Variants in GALNT10 observed in about 807,000 individuals in gnomAD.
GALNT10 encodes the protein GalNAc transferase 10.
GALNT10 carries 41 observed loss-of-function variants against 75.0 expected under a neutral mutation model. The ratio of observed to expected loss-of-function variants is 0.55; its 90% CI spans 0.43 to 0.71. GALNT10 has a LOEUF of 0.71. GALNT10 is among the 30% of genes least tolerant of loss of function. The pLI, the probability that GALNT10 is intolerant of heterozygous loss-of-function variation, is 0.00. For missense variants in GALNT10, 727 were observed against 818.5 expected, an observed-to-expected ratio of 0.89 and a Z score of 1.36; for synonymous variants, 302 against 313.0, an observed-to-expected ratio of 0.96 and a Z score of 0.37.
At position 154,246,123 on chromosome 5, in the gene GALNT10, A is replaced by G. The variant is rs189259307; in HGVS notation, c.160-48693A>G. On this transcript the variant is annotated intron_variant, in intron 1 of 11. Coordinates refer to ENST00000297107, the MANE Select transcript of GALNT10 (RefSeq NM_198321.4). The stretch of plus-strand genomic sequence containing the variant: ...GGTTTCCAGTTTCATCCGTGTCCCT[A>G]CAAAGGACATGAATTCATCATTTTT... Among the ~76,000 whole-genome samples the G allele has an allele frequency of 6.8e-4, 99 of 144,592 alleles. No homozygotes were observed. The East Asian group carries it at 0.019, about 28-fold the overall frequency. The allele number at this position is 144,592 out of a possible 152,430, so 94.9% of individuals were successfully genotyped here.
At chr5:154,285,699 C>T (rs1754101052) in intron 1 of GALNT10, among the ~76,000 whole-genome samples, 2 of 152,156 alleles carry the variant, frequency 1.3e-5, no homozygotes, top group South Asian at 4.1e-4. Flanking sequence ...TCCCAGCCTC[C>T]ACCCCTCCTC....
chr5:154,368,161 A>G (rs753098184), intron 4 of GALNT10, among the ~76,000 whole-genome samples: 7 of 152,230 alleles, frequency 4.6e-5, no homozygotes, highest in Non-Finnish European at 8.8e-5. Flanking sequence ...GGACATTTCT[A>G]CTAAATTCCC....
At chr5:154,354,872 C>T (rs968627691) in intron 4 of GALNT10, among the ~76,000 whole-genome samples, 8 of 152,132 alleles carry the variant, frequency 5.3e-5, no homozygotes, top group East Asian at 3.8e-4. Context: ...TGGGTATATC[C>T]GTGTGATCCT....
intron 1 of GALNT10, among the ~76,000 whole-genome samples, chr5:154,196,345 G>C (rs1384291910): frequency 6.6e-6 from 1 of 152,228 alleles, no homozygotes; most frequent in Non-Finnish European, 1.5e-5. Context: ...GACAGACAGA[G>C]AGAACTTGAG....
intron 4 of GALNT10, among the ~76,000 whole-genome samples, chr5:154,332,212 A>C (rs1754877395): frequency 6.6e-6 from 1 of 152,156 alleles, no homozygotes; most frequent in South Asian, 2.1e-4. Flanking sequence ...CTGCAGCATA[A>C]ACAGCCTCCA....
intron 5 of GALNT10, among the ~76,000 whole-genome samples, chr5:154,379,045 C>T (rs1001659951): frequency 6.6e-6 from 1 of 151,976 alleles, no homozygotes; most frequent in East Asian, 1.9e-4. Flanking sequence ...GGGGCGGGCA[C>T]GTGAGTTTTT....
At chr5:154,264,841 T>C (rs557193895) in intron 1 of GALNT10, among the ~76,000 whole-genome samples, 34 of 152,162 alleles carry the variant, frequency 2.2e-4, no homozygotes, top group Non-Finnish European at 1.5e-4. Context: ...GACCCCCACT[T>C]AGCAGTTCTC....
In GALNT10 at chr5:154,212,900, G is replaced by A. The variant is rs568841164; in HGVS notation, c.159+21875G>A. Among the ~76,000 whole-genome samples, 19 of 151,768 alleles carry A rather than the reference G, an allele frequency of 1.3e-4. 1 individual carries two copies. The South Asian group carries it at 3.3e-3, about 27-fold the overall frequency. ...GGGGAATGGCGTGAACCCGGGAGGC[G>A]GAGCTTGCAGTGAGCGGAGATCGCG... On this transcript the variant is annotated intron_variant, in intron 1 of 11. Coordinates refer to ENST00000297107, the MANE Select transcript of GALNT10 (RefSeq NM_198321.4).
intron 4 of GALNT10, chr5:154,337,591 T>A: frequency 2.5e-6 from 2 of 813,318 alleles, no homozygotes; most frequent in Non-Finnish European, 4.3e-6. Context: ...CCTCTAAAGT[T>A]TCCTCCCTTC....
intron 4 of GALNT10, among the ~76,000 whole-genome samples, chr5:154,330,243 G>T (rs1410628216): frequency 6.6e-6 from 1 of 152,218 alleles, no homozygotes; most frequent in African/African-American, 2.4e-5. Flanking sequence ...TCAAGGTTTT[G>T]CCTTCTAATT....
chr5:154,403,834 C>A (rs1582015054), intron 7 of GALNT10: 2 of 474,690 alleles, frequency 4.2e-6, no homozygotes. Context: ...TTACTACCTA[C>A]TTTATAGGTT....
rs118005793 is a variant in GALNT10 at position 154,412,722 on chromosome 5, T to C, written c.1387-167T>C. The C allele has an allele frequency of 5.5e-4, 361 of 651,596 alleles. 3 individuals are homozygous for C. In the East Asian group the frequency reaches 9.1e-3, roughly 16 times the overall value. The allele number at this position is 651,596 out of a possible 1,614,324, so 40.4% of individuals were successfully genotyped here. A position where few individuals can be genotyped will look rare whatever the true frequency, so the allele number is the denominator to read the frequency against. On this transcript the variant is annotated intron_variant, in intron 9 of 11. Transcript: ENST00000297107. This position sits in a 1 kb window ranked among gnomAD's most constrained non-coding sequence, Gnocchi z 4.2. ...ATTCTGTGGACTGAGTCTTCCTTCA[T>C]TGAGAGGCTCAAGGTACTTCCAACA... is the stretch of plus-strand genomic sequence containing the variant.
intron 1 of GALNT10, among the ~76,000 whole-genome samples, chr5:154,232,115 A>G (rs1035741609): frequency 6.6e-6 from 1 of 152,252 alleles, no homozygotes; most frequent in Non-Finnish European, 1.5e-5. Flanking sequence ...GAAAGATATT[A>G]TAAGCAGATT....
At chr5:154,351,617 G>T (rs1022548631) in intron 4 of GALNT10, among the ~76,000 whole-genome samples, 4 of 152,208 alleles carry the variant, frequency 2.6e-5, no homozygotes, top group African/African-American at 9.7e-5. Flanking sequence ...TTTGGTTTGA[G>T]TGGCTTCCGC....
intron 1 of GALNT10, among the ~76,000 whole-genome samples, chr5:154,274,773 G>T (rs895743129): frequency 6.6e-6 from 1 of 152,102 alleles, no homozygotes; most frequent in East Asian, 1.9e-4. Context: ...TCAAGAAATA[G>T]CCCCTAGAAA....
At position 154,267,381 on chromosome 5, in the gene GALNT10, A is replaced by G. The variant is rs571650350; in HGVS notation, c.160-27435A>G. ...TAGGTGACCCAGACATGCCTCTTGA[A>G]TTGAATTCGGTGATCTGCTTCTTCA... On this transcript the variant is annotated intron_variant, in intron 1 of 11. Coordinates refer to ENST00000297107, the MANE Select transcript of GALNT10 (RefSeq NM_198321.4). 2.0e-5 allele frequency among the ~76,000 whole-genome samples: 3 copies of G among 152,304 alleles called. No homozygotes were observed. The East Asian group carries it at 5.8e-4, about 29-fold the overall frequency.
chr5:154,240,848 C>T (rs188097686), intron 1 of GALNT10, among the ~76,000 whole-genome samples: 6 of 152,314 alleles, frequency 3.9e-5, no homozygotes, highest in East Asian at 1.9e-4. Context: ...CCCTCTCAGA[C>T]GCTTCCTGGC....
chr5:154,231,060 C>T (rs1277556755), intron 1 of GALNT10, among the ~76,000 whole-genome samples: 1 of 152,230 alleles, frequency 6.6e-6, no homozygotes, highest in Non-Finnish European at 1.5e-5. Flanking sequence ...CTTCCTAGGC[C>T]TCCTTGTCCT....
intron 1 of GALNT10, among the ~76,000 whole-genome samples, chr5:154,281,813 C>G (rs1754041925): frequency 6.6e-6 from 1 of 152,216 alleles, no homozygotes; most frequent in African/African-American, 2.4e-5. Flanking sequence ...TCCTCAAGAA[C>G]CTGTACTCCC....
Sources: allele counts gnomAD v4.1 joint callset (sites outside exome capture counted in the v4.1 genomes callset), GRCh38; gene constraint gnomAD v4.1.1; non-coding constraint Gnocchi (gnomAD v3.1); transcripts MANE v1.5; gene names NCBI Gene and HGNC (gene_info 2026-07-23, HGNC 2026-07-21).